The following DNAJC5B variants were observed in gnomAD, a reference collection of about 807,000 sequenced individuals.
DNAJC5B encodes the protein dnaJ homolog subfamily C member 5B.
In DNAJC5B, 23 loss-of-function variants were observed where a neutral mutation model predicts 24.7. The observed-to-expected ratio is 0.93, with a 90% CI of 0.67 to 1.32. The LOEUF (loss-of-function observed/expected upper bound fraction) is 1.32, where lower values mean the gene tolerates loss of function less well. DNAJC5B is among the 40% of genes most tolerant of loss of function. DNAJC5B has a pLI of 0.00. For missense variants in DNAJC5B, 238 were observed against 240.8 expected (o/e 0.99, Z 0.08); for synonymous variants, 101 against 90.1 (o/e 1.12, Z -0.68).
intron 1 of DNAJC5B, among the ~76,000 whole-genome samples, chr8:66,043,131 T>G (rs573275360): frequency 1.3e-5 from 2 of 152,226 alleles, no homozygotes; most frequent in Non-Finnish European, 2.9e-5. Context: ...GGGTTAAATA[T>G]GCAGATTTGA....
intron 1 of DNAJC5B, among the ~76,000 whole-genome samples, chr8:66,031,818 T>C (rs1441559129): frequency 6.6e-6 from 1 of 152,150 alleles, no homozygotes; most frequent in Non-Finnish European, 1.5e-5. Flanking sequence ...AGTCAACTGA[T>C]TCAAATGATT....
intron 2 of DNAJC5B, among the ~76,000 whole-genome samples, chr8:66,046,150 T>C (rs73691267): frequency 0.052 from 7,862 of 152,272 alleles, 680 homozygotes; most frequent in African/African-American, 0.18. Flanking sequence ...GAATCTTCTT[T>C]CCTGTGTGGC....
At chr8:66,074,000 G>T (rs955004707) in intron 3 of DNAJC5B, among the ~76,000 whole-genome samples, 1 of 152,238 alleles carries the variant, frequency 6.6e-6, no homozygotes, top group African/African-American at 2.4e-5. Flanking sequence ...CAACAAGAAA[G>T]CCCCAGAATG....
At chr8:66,080,654 CA>C in intron 5 of DNAJC5B, 106 bp downstream of exon 5, 1 of 961,652 alleles carries the variant, frequency 1.0e-6, no homozygotes, top group Admixed American at 3.0e-5. Context: ...CTCCCACAAC[CA>C]AATGGGTGGA....
chr8:66,089,955 T>A (rs1395854689), intron 5 of DNAJC5B, among the ~76,000 whole-genome samples: 1 of 152,162 alleles, frequency 6.6e-6, no homozygotes, highest in Non-Finnish European at 1.5e-5. Flanking sequence ...ATAGATAGTG[T>A]CTTGGGGGAA....
intron 5 of DNAJC5B, among the ~76,000 whole-genome samples, chr8:66,092,742 A>C (rs929344174): frequency 6.6e-6 from 1 of 152,162 alleles, no homozygotes; most frequent in Non-Finnish European, 1.5e-5. Context: ...TTTTGAACTT[A>C]AATGAATAGA....
intron 1 of DNAJC5B, among the ~76,000 whole-genome samples, chr8:66,023,035 A>G (rs7006334): frequency 0.12 from 18,743 of 152,298 alleles, 1,211 homozygotes; most frequent in African/African-American, 0.15. Context: ...TGTTAGTCAC[A>G]TGCTGCTGCA....
At chr8:66,018,758 A>G (rs1418317000), upstream of DNAJC5B, among the ~76,000 whole-genome samples, 1 of 151,146 alleles carries the variant, frequency 6.6e-6, no homozygotes, top group Non-Finnish European at 1.5e-5. Flanking sequence ...TATATAAAGT[A>G]GGTGATTCTG....
chr8:66,049,698 A>T (rs529095279), intron 2 of DNAJC5B, among the ~76,000 whole-genome samples: 19 of 152,350 alleles, frequency 1.2e-4, no homozygotes, highest in Non-Finnish European at 2.1e-4. Flanking sequence ...TGTGGGTGTT[A>T]TCATAATCCG....
At position 66,051,623 on chromosome 8, in the gene DNAJC5B, C is replaced by CTGCATAAGGGAGCATCAAATGAAGAA. The variant is rs1806847185; in HGVS notation, c.77_102dup (p.Ile35CysfsTer19). On this transcript the variant is annotated frameshift_variant, in exon 3 of 6. Transcript: ENST00000276570. LOFTEE classifies it high-confidence loss of function. Reference sequence around the variant, plus strand: ...AGAAGCTCTATACGAAATTCTTGGTCTGCATAAGGGAGCATCAAATGAAGA... The same window carrying CTGCATAAGGGAGCATCAAATGAAGAA: ...AGAAGCTCTATACGAAATTCTTGGTCTGCATAAGGGAGCATCAAATGAAGAATGCATAAGGGAGCATCAAATGAAGA... 1.2e-6 allele frequency: 2 copies of CTGCATAAGGGAGCATCAAATGAAGAA among 1,614,136 alleles called. No individual in the cohort carries two copies. The highest frequency in any genetic ancestry group is 4.5e-5 in the East Asian group (2 of 44,874).
At chr8:66,076,604 C>T (rs1234076706) in intron 3 of DNAJC5B, 56 bp from the exon 4 acceptor site, 2 of 1,588,420 alleles carry the variant, frequency 1.3e-6, no homozygotes, top group Non-Finnish European at 1.7e-6. Flanking sequence ...TCTAAAACGC[C>T]ATGGTTCATT....
At chr8:66,032,930 C>T (rs944208012) in intron 1 of DNAJC5B, among the ~76,000 whole-genome samples, 1 of 152,222 alleles carries the variant, frequency 6.6e-6, no homozygotes, top group Non-Finnish European at 1.5e-5. Context: ...GTTTGCTCTA[C>T]GGAGTCCCCT....
At chr8:66,026,700 G>A (rs1029416935) in intron 1 of DNAJC5B, among the ~76,000 whole-genome samples, 2 of 152,236 alleles carry the variant, frequency 1.3e-5, no homozygotes, top group South Asian at 2.1e-4. Context: ...GTGACCCAGA[G>A]CCAAGGGGCG....
In DNAJC5B at chr8:66,076,806, A is replaced by T; in HGVS notation, c.266A>T (p.Tyr89Phe). The change falls in exon 4 of 6, where the codon TAC (tyrosine) becomes TTC (phenylalanine). Residue 89 changes from tyrosine (Y) to phenylalanine (F), a missense_variant. Physicochemically the swap from Tyr to Phe is conservative, Grantham distance 22. Coordinates refer to ENST00000276570, the MANE Select transcript of DNAJC5B (RefSeq NM_033105.6). ...IYDKYGSLGL[Y>F]VAEQFGDENV... ...GACAAGTACGGATCGCTGGGACTCT[A>T]CGTGGCCGAGCAGTTTGGAGACGAA... 1 of 1,614,204 alleles carries T rather than the reference A, an allele frequency of 6.2e-7. No individual in the cohort carries two copies. The highest frequency in any genetic ancestry group is 8.5e-7 in the Non-Finnish European group (1 of 1,180,020).
intron 1 of DNAJC5B, among the ~76,000 whole-genome samples, chr8:66,039,172 G>T (rs1475640785): frequency 1.3e-5 from 2 of 152,122 alleles, no homozygotes; most frequent in Non-Finnish European, 2.9e-5. Context: ...GGAATTACAA[G>T]CTCCTGAAGC....
intron 3 of DNAJC5B, among the ~76,000 whole-genome samples, chr8:66,068,287 T>C (rs1338877555): frequency 1.3e-5 from 2 of 151,978 alleles, no homozygotes; most frequent in Non-Finnish European, 2.9e-5. Context: ...AAAATAACTA[T>C]CTATGACCAA....
chr8:66,045,898 C>T (rs971924942), intron 2 of DNAJC5B, among the ~76,000 whole-genome samples: 6 of 152,176 alleles, frequency 3.9e-5, no homozygotes, highest in African/African-American at 1.4e-4. Context: ...CGTTAGGCTG[C>T]TTTGCTCACA....
chr8:66,078,605 A>T lies in DNAJC5B; in HGVS notation c.333+1732A>T, dbSNP rs1309000468. 3.9e-5 allele frequency among the ~76,000 whole-genome samples: 6 copies of T among 152,298 alleles called. No homozygotes were observed. The East Asian group carries it at 9.6e-4, about 24-fold the overall frequency. ...TGGTAAAAACAAAAAGGACAAAAAT[A>T]GCTTAAAAAAGGGAGGAGTTTCTTG... On this transcript the variant is annotated intron_variant, in intron 4 of 5. Transcript: ENST00000276570.
At chr8:66,067,473 T>C (rs1807245941) in intron 3 of DNAJC5B, among the ~76,000 whole-genome samples, 1 of 152,132 alleles carries the variant, frequency 6.6e-6, no homozygotes, top group Non-Finnish European at 1.5e-5. Context: ...TCAACAACCA[T>C]GCCTGCTGGT....
Sources: gnomAD v4.1 joint callset for allele counts (sites outside exome capture counted in the v4.1 genomes callset) on GRCh38, gnomAD v4.1.1 for gene constraint, MANE v1.5 for transcripts, NCBI Gene and HGNC (gene_info 2026-07-23, HGNC 2026-07-21) for gene names.